AFF2: variants seen among roughly 807,000 people sequenced by gnomAD.
The protein encoded by AFF2 is AF4/FMR2 family member 2.
In AFF2, 14 loss-of-function variants were observed where a neutral mutation model predicts 76.9. The observed-to-expected ratio is 0.18, with a 90% CI of 0.12 to 0.28. The LOEUF (loss-of-function observed/expected upper bound fraction) is 0.28, where lower values mean the gene tolerates loss of function less well. AFF2 is among the 10% of genes least tolerant of loss of function. The pLI, the probability that AFF2 is intolerant of heterozygous loss-of-function variation, is 1.00. For missense variants in AFF2, 868 were observed against 1,001.1 expected, an observed-to-expected ratio of 0.87 and a Z score of 1.79; for synonymous variants, 398 against 366.7, an observed-to-expected ratio of 1.09 and a Z score of -0.98.
At chrX:148,638,430 A>G (rs2054053938) in intron 1 of AFF2, among the ~76,000 whole-genome samples, 1 of 111,174 alleles carries the variant, frequency 9.0e-6, no homozygotes, top group African/African-American at 3.3e-5. Context: ...CACAATCATG[A>G]GAGCAGCATG....
rs1407129119 is a variant in AFF2 at position 148,992,304 on chromosome X, A to T, written c.*972A>T. ...TGGGTCCATAACTGGCAGGATTTTT[A>T]AATTGTATTTTGCTCAAATCTATGG... On this transcript the variant is annotated 3_prime_UTR_variant, in exon 21 of 21. Coordinates refer to ENST00000370460, the MANE Select transcript of AFF2 (RefSeq NM_002025.4). The T allele has an allele frequency of 8.9e-6, 1 of 112,158 alleles. No homozygotes were observed. The highest frequency in any genetic ancestry group is 1.9e-5 in the Non-Finnish European group (1 of 53,239). 9.2% of individuals were successfully genotyped at this position (112,158 alleles called of 1,213,427 possible). A position where few individuals can be genotyped will look rare whatever the true frequency, so the allele number is the denominator to read the frequency against.
At chrX:148,838,486 C>T (rs782752424) in intron 5 of AFF2, among the ~76,000 whole-genome samples, 1 of 111,685 alleles carries the variant, frequency 9.0e-6, no homozygotes, top group Non-Finnish European at 1.9e-5. Context: ...GACTCAGAGT[C>T]GTATCTAACA....
In AFF2 at chrX:148,966,836, C is replaced by T; in HGVS notation, c.2960C>T (p.Thr987Ile). 8.3e-7 allele frequency: 1 copy of T among 1,211,564 alleles called. No individual in the cohort carries two copies. Among genetic ancestry groups the T allele is most frequent in the Admixed American group, 2.2e-5 (1 of 45,987 alleles). Reference protein sequence around the residue: ...KKASSATITVTNTAIATATVT... With the variant: ...KKASSATITVINTAIATATVT... The stretch of plus-strand genomic sequence containing the variant: ...GCATCCTCTGCCACCATCACTGTCA[C>T]CAATACTGCTATTGCCACTGCTACT... Residue 987 changes from threonine (T) to isoleucine (I), a missense_variant, in exon 14 of 21, where the codon ACC becomes ATC. Around this residue, in one of 6 missense-constraint regions of AFF2, gnomAD observed 532 missense variants for 564.2 expected, o/e 0.94. Coordinates refer to ENST00000370460, the MANE Select transcript of AFF2 (RefSeq NM_002025.4).
At chrX:148,831,718 G>A (rs73638195) in intron 4 of AFF2, among the ~76,000 whole-genome samples, 1,378 of 112,211 alleles carry the variant, frequency 0.012, 30 homozygotes, top group African/African-American at 0.043. Flanking sequence ...CTGAACCCTA[G>A]CCCCAGGGCA....
intron 3 of AFF2, among the ~76,000 whole-genome samples, chrX:148,663,943 T>A (rs1339058575): frequency 8.9e-6 from 1 of 112,173 alleles, no homozygotes; most frequent in East Asian, 2.8e-4. Context: ...TTTAATATTG[T>A]TTCATTTCTG....
In AFF2 at chrX:148,549,885, T is replaced by A. The variant is rs139323318; in HGVS notation, c.47+48741T>A. Among the ~76,000 whole-genome samples the A allele has an allele frequency of 1.5e-3, 170 of 112,399 alleles. 1 individual carries two copies. Among genetic ancestry groups the A allele is most frequent in the African/African-American group, 5.2e-3 (162 of 30,927 alleles). On this transcript the variant is annotated intron_variant, in intron 1 of 20. Coordinates refer to ENST00000370460, the MANE Select transcript of AFF2 (RefSeq NM_002025.4). ...ACTCTTGGTTATTAAAAACAATATG[T>A]CTAATAGTTTATTATACATTTTCAA...
intron 8 of AFF2, among the ~76,000 whole-genome samples, chrX:148,894,547 G>A: frequency 9.0e-6 from 1 of 111,619 alleles, no homozygotes; most frequent in Non-Finnish European, 1.9e-5. Flanking sequence ...AATGTATGGG[G>A]CCACATAACT....
chrX:148,852,927 C>G (rs2070747898), intron 7 of AFF2, among the ~76,000 whole-genome samples: 1 of 111,415 alleles, frequency 9.0e-6, no homozygotes, highest in African/African-American at 3.3e-5. Context: ...CTTCTAGGCT[C>G]ATAATGTCTC....
chrX:148,840,356 A>G (rs1365016543), intron 5 of AFF2, among the ~76,000 whole-genome samples: 1 of 112,200 alleles, frequency 8.9e-6, no homozygotes, highest in African/African-American at 3.2e-5. Flanking sequence ...ACCCAGTCAC[A>G]CCCACTTATT....
intron 9 of AFF2, among the ~76,000 whole-genome samples, chrX:148,908,393 G>A (rs1471473769): frequency 3.6e-5 from 4 of 111,776 alleles, no homozygotes; most frequent in African/African-American, 1.3e-4. Context: ...ATTAATTTGG[G>A]GAACAAATAA....
At chrX:148,802,600 T>C (rs2070074461) in intron 3 of AFF2, among the ~76,000 whole-genome samples, 1 of 112,070 alleles carries the variant, frequency 8.9e-6, no homozygotes, top group African/African-American at 3.2e-5. Context: ...CTGTATAGGC[T>C]GTTTAGGCTG....
intron 1 of AFF2, among the ~76,000 whole-genome samples, chrX:148,641,808 G>T (rs1406478698): frequency 1.8e-5 from 2 of 111,865 alleles, no homozygotes; most frequent in African/African-American, 6.5e-5. Flanking sequence ...TTCACATAGA[G>T]TTCTCTCTGG....
At chrX:148,988,161 C>A (rs1159121390) in intron 20 of AFF2, among the ~76,000 whole-genome samples, 1 of 112,048 alleles carries the variant, frequency 8.9e-6, no homozygotes, top group African/African-American at 3.2e-5. Flanking sequence ...GTGACTCATG[C>A]AGACATCTGT....
At chrX:148,671,396 G>A (rs739488) in intron 3 of AFF2, among the ~76,000 whole-genome samples, 14,889 of 111,083 alleles carry the variant, frequency 0.13, 1,204 homozygotes, top group East Asian at 0.59. Flanking sequence ...GTTTTAATGA[G>A]GTATACTGAG....
intron 9 of AFF2, among the ~76,000 whole-genome samples, chrX:148,936,956 T>C (rs1245589079): frequency 8.9e-6 from 1 of 112,096 alleles, no homozygotes; most frequent in Non-Finnish European, 1.9e-5. Context: ...CAGGTTAATA[T>C]GTGACATTAC....
At chrX:148,664,765 T>C (rs782235867) in intron 3 of AFF2, among the ~76,000 whole-genome samples, 44 of 112,502 alleles carry the variant, frequency 3.9e-4, no homozygotes, top group Non-Finnish European at 6.7e-4. Context: ...TTGATTACAT[T>C]TTCTAAGCCA....
At chrX:148,806,240 A>G (rs1557271327) in intron 3 of AFF2, among the ~76,000 whole-genome samples, 4 of 112,287 alleles carry the variant, frequency 3.6e-5, no homozygotes, top group African/African-American at 9.7e-5. Context: ...AGAGAATAGC[A>G]TTTGGGGCCG....
intron 1 of AFF2, among the ~76,000 whole-genome samples, chrX:148,588,185 C>T (rs1386244896): frequency 8.9e-6 from 1 of 112,900 alleles, no homozygotes; most frequent in Non-Finnish European, 1.9e-5. Context: ...AATGAAATGT[C>T]AACGTTAATC....
chrX:148,888,109 C>T lies in AFF2; in HGVS notation c.1359+2124C>T, dbSNP rs189275522. 1.2e-4 allele frequency among the ~76,000 whole-genome samples: 14 copies of T among 112,037 alleles called. No individual in the cohort carries two copies. The East Asian group carries it at 3.9e-3, about 31-fold the overall frequency. On this transcript the variant is annotated intron_variant, in intron 8 of 20. Coordinates refer to ENST00000370460, the MANE Select transcript of AFF2 (RefSeq NM_002025.4). ...TGTGACACTTAATACAATCACAAGA[C>T]TGTGCATCCATCCCAGTTCCAGAAT...
Sources: allele counts gnomAD v4.1 joint callset (sites outside exome capture counted in the v4.1 genomes callset), GRCh38; gene constraint gnomAD v4.1.1; regional missense constraint gnomAD v4.1.1; transcripts MANE v1.5; gene names NCBI Gene and HGNC (gene_info 2026-07-23, HGNC 2026-07-21).